Variants in NDUFAF1 observed in about 807,000 individuals in gnomAD.
The protein encoded by NDUFAF1 is complex I intermediate-associated protein 30, mitochondrial.
A neutral mutation model predicts 28.7 loss-of-function variants in NDUFAF1; 18 were observed. The ratio of observed to expected loss-of-function variants is 0.63; its 90% confidence interval spans 0.43 to 0.93. The LOEUF is 0.93. Ranked by LOEUF, NDUFAF1 falls within the 40% of genes least tolerant of loss-of-function variation. The pLI, the probability that NDUFAF1 is intolerant of heterozygous loss-of-function variation, is 0.00. For missense variants in NDUFAF1, 404 were observed against 398.3 expected, an observed-to-expected ratio of 1.01 and a Z score of -0.12; for synonymous variants, 113 against 139.7, an observed-to-expected ratio of 0.81 and a Z score of 1.35.
intron 3 of NDUFAF1, among the ~76,000 whole-genome samples, chr15:41,392,630 G>A (rs2050329558): frequency 1.3e-5 from 2 of 152,090 alleles, no homozygotes; most frequent in East Asian, 1.9e-4. Flanking sequence ...CCATGTGAAG[G>A]AGGATGTGTT....
intron 2 of NDUFAF1, among the ~76,000 whole-genome samples, chr15:41,395,592 G>T (rs568735769): frequency 1.5e-4 from 22 of 150,292 alleles, no homozygotes; most frequent in Admixed American, 4.0e-4. Flanking sequence ...GGATGGTCTC[G>T]ATCTCCTGAC....
At position 41,396,472 on chromosome 15, in the gene NDUFAF1, C is replaced by A. The variant is rs1449213848; in HGVS notation, c.573+15G>T. 6.2e-7 allele frequency: 1 copy of A among 1,613,346 alleles called. No individual in the cohort carries two copies. The highest frequency in any genetic ancestry group is 8.5e-7 in the Non-Finnish European group (1 of 1,179,338). On this transcript the variant is annotated intron_variant, in intron 2 of 4. Transcript: ENST00000260361. The stretch of plus-strand genomic sequence containing the variant: ...CCTGTTTACTAGAAAACGATGGCTC[C>A]TGGGCCTCACCTACCCTTGGAATCC...
chr15:41,388,447 C>A lies in NDUFAF1; in HGVS notation c.834+1G>T, dbSNP rs1595629240. 2 of 1,605,588 alleles carry A rather than the reference C, an allele frequency of 1.2e-6. No homozygotes were observed. Among genetic ancestry groups the A allele is most frequent in the Admixed American group, 3.3e-5 (2 of 59,924 alleles). ...GAGTGAAAAATACAGGAATATGTTA[C>A]CTTATCAAGCGGAAGCTCATGCTGA... On this transcript the variant is annotated splice_donor_variant, in intron 4 of 4. Transcript: ENST00000260361. LOFTEE classifies it high-confidence loss of function.
intron 2 of NDUFAF1, among the ~76,000 whole-genome samples, chr15:41,395,469 A>G (rs949300298): frequency 2.5e-4 from 37 of 150,434 alleles, no homozygotes; most frequent in Non-Finnish European, 4.0e-4. Flanking sequence ...TCCTGGGTTC[A>G]CACCATTCTC....
chr15:41,402,101 C>T (rs1259935933), intron 1 of NDUFAF1, 43 bp downstream of exon 1: 1 of 421,724 alleles, frequency 2.4e-6, no homozygotes, highest in Non-Finnish European at 4.9e-6. Context: ...ACAATCCACG[C>T]AGCTAGAAGT....
rs1179914892 is a variant in NDUFAF1 at position 41,402,463 on chromosome 15, T to C, written c.-401A>G. On this transcript the variant is annotated 5_prime_UTR_variant, in exon 1 of 5. Transcript: ENST00000260361. ...GCCGCTTACCTCCCCGAGCCTATAG[T>C]GTACCTTCCGCCCAGAAGCCACTTT... 1 of 399,524 alleles carries C rather than the reference T, an allele frequency of 2.5e-6. No individual in the cohort carries two copies. The highest frequency in any genetic ancestry group is 1.7e-5 in the South Asian group (1 of 58,030). The allele number at this position is 399,524 out of a possible 1,614,324, so 24.7% of individuals were successfully genotyped here.
intron 1 of NDUFAF1, 127 bp downstream of exon 1, chr15:41,402,017 T>C (rs1595413409): frequency 7.5e-6 from 2 of 266,336 alleles, no homozygotes; most frequent in South Asian, 3.6e-5. Flanking sequence ...TTTTTTTTTT[T>C]CTACCAGTAA....
Position 41,387,514 on chromosome 15 carries a change from G to C in NDUFAF1, c.914C>G (p.Thr305Ser). The change falls in exon 5 of 5, where the codon ACT becomes AGT. Residue 305 changes from threonine (T) to serine (S), a missense_variant. Transcript: ENST00000260361. ...AAATTCTTCTGTATGAGCTGGATCA[G>C]TAAACACGCCAATAAAATCTATCTC... Reference protein sequence around the residue: ...FLEIDFIGVFTDPAHTEEFAY... With the variant: ...FLEIDFIGVFSDPAHTEEFAY... 6.2e-7 allele frequency: 1 copy of C among 1,613,282 alleles called. No individual in the cohort carries two copies. The highest frequency in any genetic ancestry group is 8.5e-7 in the Non-Finnish European group (1 of 1,179,248).
In NDUFAF1 at chr15:41,395,027, C is replaced by T; in HGVS notation, c.591G>A (p.Lys197=). The change falls in exon 3 of 5, where the codon AAG becomes AAA. Residue 197 remains lysine (K), a synonymous_variant. Coordinates refer to ENST00000260361, the MANE Select transcript of NDUFAF1 (RefSeq NM_016013.4). The part of the protein sequence containing the change: ...SRIPRGAFER[K]MSYDWSQFNT... ...TGAACTGGGACCAATCGTAAGACAT[C>T]TTCCTCTCAAAAGCACCCTAAGATA... 6.2e-7 allele frequency: 1 copy of T among 1,614,128 alleles called. No homozygotes were observed. The highest frequency in any genetic ancestry group is 8.5e-7 in the Non-Finnish European group (1 of 1,180,014).
chr15:41,394,998 G>A lies in NDUFAF1; in HGVS notation c.620C>T (p.Thr207Ile). 1 of 1,614,134 alleles carries A rather than the reference G, an allele frequency of 6.2e-7. No homozygotes were observed. The change falls in exon 3 of 5, where the codon ACT (threonine) becomes ATT (isoleucine). Residue 207 changes from threonine to isoleucine, a missense_variant. Physicochemically the swap from Thr to Ile is moderately conservative, Grantham distance 89 (BLOSUM62 -1). Transcript: ENST00000260361. ...KMSYDWSQFNTLYLRVRGDGR... is the reference protein window; with the variant it reads ...KMSYDWSQFNILYLRVRGDGR... ...ATCCCCACGTACACGGAGATACAGA[G>A]TATTGAACTGGGACCAATCGTAAGA...
At chr15:41,401,100 C>A (rs900730596) in intron 1 of NDUFAF1, among the ~76,000 whole-genome samples, 4 of 149,018 alleles carry the variant, frequency 2.7e-5, no homozygotes, top group Admixed American at 2.0e-4. Flanking sequence ...GGATTACAGG[C>A]GGGCGCCACC....
intron 3 of NDUFAF1, among the ~76,000 whole-genome samples, chr15:41,390,348 C>A (rs890441681): frequency 1.3e-5 from 2 of 152,054 alleles, no homozygotes; most frequent in Non-Finnish European, 2.9e-5. Context: ...AACAATAGTT[C>A]AGTGAAAATA....
intron 1 of NDUFAF1, among the ~76,000 whole-genome samples, chr15:41,400,042 A>G (rs2050442065): frequency 1.3e-5 from 2 of 151,616 alleles, no homozygotes; most frequent in South Asian, 4.2e-4. Context: ...CTTGGGCAAC[A>G]GAGCAGGACT....
chr15:41,391,849 G>T (rs1040099008), intron 3 of NDUFAF1, among the ~76,000 whole-genome samples: 5 of 152,110 alleles, frequency 3.3e-5, no homozygotes, highest in African/African-American at 1.2e-4. Flanking sequence ...AGAGAAAGCA[G>T]GTGAAGACAT....
In NDUFAF1 at chr15:41,390,669, G is replaced by A. The variant is rs1282255461; in HGVS notation, c.760-2147C>T. ...GAACCCGGGAGGCGGAGCTTGCAGTGAGCAGAGATCGTGCCACTGCACTCC... is the reference window on the plus strand; with the variant it reads ...GAACCCGGGAGGCGGAGCTTGCAGTAAGCAGAGATCGTGCCACTGCACTCC... On this transcript the variant is annotated intron_variant, in intron 3 of 4. Coordinates refer to ENST00000260361, the MANE Select transcript of NDUFAF1 (RefSeq NM_016013.4). Among the ~76,000 whole-genome samples the A allele has an allele frequency of 2.6e-5, 4 of 151,224 alleles. No homozygotes were observed. In the East Asian group the frequency reaches 5.8e-4, roughly 22 times the overall value.
chr15:41,392,007 G>A (rs543971058), intron 3 of NDUFAF1, among the ~76,000 whole-genome samples: 2 of 151,878 alleles, frequency 1.3e-5, no homozygotes, highest in Admixed American at 1.3e-4. Context: ...GATGGAAGAT[G>A]AAGACAGGGG....
chr15:41,391,733 G>C (rs186208071), intron 3 of NDUFAF1, among the ~76,000 whole-genome samples: 21 of 152,240 alleles, frequency 1.4e-4, no homozygotes, highest in African/African-American at 4.3e-4. Context: ...GAAAGTTATA[G>C]GATGGTGGTG....
At chr15:41,401,407 A>C (rs1476612096) in intron 1 of NDUFAF1, among the ~76,000 whole-genome samples, 5 of 149,782 alleles carry the variant, frequency 3.3e-5, no homozygotes, top group Non-Finnish European at 5.9e-5. Flanking sequence ...AGTGGCTGAA[A>C]TTACAGGTGC....
intron 1 of NDUFAF1, among the ~76,000 whole-genome samples, chr15:41,398,067 G>T (rs1235040532): frequency 6.9e-6 from 1 of 145,134 alleles, no homozygotes; most frequent in Non-Finnish European, 1.5e-5. Context: ...AAAAGAAATA[G>T]ATCTCCCTGT....
Sources: allele counts gnomAD v4.1 joint callset (sites outside exome capture counted in the v4.1 genomes callset), GRCh38; gene constraint gnomAD v4.1.1; transcripts MANE v1.5; gene names NCBI Gene and HGNC (gene_info 2026-07-23, HGNC 2026-07-21).